BAHCC1: variants seen among roughly 807,000 people sequenced by gnomAD.
BAHCC1 encodes BAH domain and coiled-coil containing 1.
BAHCC1 carries 43 observed loss-of-function variants against 88.2 expected under a neutral mutation model. The ratio of observed to expected loss-of-function variants is 0.49; its 90% CI spans 0.38 to 0.63. The LOEUF (loss-of-function observed/expected upper bound fraction) is 0.63, where lower values mean the gene tolerates loss of function less well. Ranked by LOEUF, BAHCC1 falls within the 20% of genes least tolerant of loss-of-function variation. The pLI is 0.00. For synonymous variants in BAHCC1, 1,510 were observed against 745.5 expected (o/e 2.03, Z -16.71); for missense variants, 3,023 against 1,654.8 (o/e 1.83, Z -14.34).
rs781789451 is a variant in BAHCC1, at chr17:81,452,102, C to T, written c.4311C>T (p.Asp1437=). 2 of 632,332 alleles carry T rather than the reference C, an allele frequency of 3.2e-6. No individual in the cohort carries two copies. Among genetic ancestry groups the T allele is most frequent in the South Asian group, 1.9e-5 (1 of 53,582 alleles). 39.2% of individuals were successfully genotyped at this position (632,332 alleles called of 1,614,324 possible). ...RELARLQRKH[D]HERDESSRSP... ...TGGCCCGCCTGCAGCGCAAGCACGA[C>T]CATGAGTACGCCTGGCGTGGCGGGG... Residue 1437 remains aspartate (D), a synonymous_variant, in exon 13 of 28, where the codon GAC becomes GAT. Transcript: ENST00000675386.
At chr17:81,454,494 G>A (rs2064706900) in intron 14 of BAHCC1, among the ~76,000 whole-genome samples, 1 of 152,130 alleles carries the variant, frequency 6.6e-6, no homozygotes, top group Non-Finnish European at 1.5e-5. Flanking sequence ...CCGGCAACGG[G>A]GTCCCTGGGG....
intron 11 of BAHCC1, 41 bp from the exon 12 acceptor site, chr17:81,451,627 G>A (rs782821012): frequency 6.9e-5 from 52 of 752,112 alleles, no homozygotes; most frequent in Non-Finnish European, 1.1e-4. Flanking sequence ...GGGGCAGTGT[G>A]TGCCCAGTTA....
rs143752679 is a variant in BAHCC1 at position 81,451,230 on chromosome 17, G to A, written c.3977-438G>A. The A allele has an allele frequency of 1.4e-4, 24 of 169,674 alleles. No individual in the cohort carries two copies. The East Asian group carries it at 3.7e-3, about 26-fold the overall frequency. The allele number at this position is 169,674 out of a possible 1,614,324, so 10.5% of individuals were successfully genotyped here. On this transcript the variant is annotated intron_variant, in intron 11 of 27. Coordinates refer to ENST00000675386, the MANE Select transcript of BAHCC1 (RefSeq NM_001377448.1). ...ACTCGGTTGAACTTCAGCAGCTTCCGTGCACGAGGCCTCAGTGGGCTCTCG... is the reference window on the plus strand; with the variant it reads ...ACTCGGTTGAACTTCAGCAGCTTCCATGCACGAGGCCTCAGTGGGCTCTCG...
At chr17:81,398,920 AAAGG>A (rs1555645346) in intron 1 of BAHCC1, among the ~76,000 whole-genome samples, 1 of 151,064 alleles carries the variant, frequency 6.6e-6, no homozygotes, top group East Asian at 1.9e-4. Flanking sequence ...AGTGGGGAGA[AAAGG>A]AAGGTTATTA....
At chr17:81,401,977 T>G (rs1180102759) in intron 2 of BAHCC1, 1 of 152,342 alleles carries the variant, frequency 6.6e-6, no homozygotes, top group Non-Finnish European at 1.5e-5. Context: ...TCATTCTAAG[T>G]TTGGCCACGT....
In BAHCC1 at chr17:81,419,266, C is replaced by T. The variant is rs1038446950; in HGVS notation, c.179-7534C>T. Reference sequence around the variant, plus strand: ...GCAGAGCCTGGTCTCCCCACCCCGTCCCTCATTCCTCTTTCTGGGCAGCCA... The same window carrying T: ...GCAGAGCCTGGTCTCCCCACCCCGTTCCTCATTCCTCTTTCTGGGCAGCCA... On this transcript the variant is annotated intron_variant, in intron 2 of 27. Transcript: ENST00000675386. Among the ~76,000 whole-genome samples, 7 of 152,334 alleles carry T rather than the reference C, an allele frequency of 4.6e-5. No individual in the cohort carries two copies. The South Asian group carries it at 1.4e-3, about 32-fold the overall frequency.
chr17:81,409,724 G>C (rs1416824510), intron 2 of BAHCC1, among the ~76,000 whole-genome samples: 5 of 152,192 alleles, frequency 3.3e-5, no homozygotes, highest in Non-Finnish European at 7.4e-5. Context: ...AGAAGGCCGG[G>C]TGTGAATCAG....
At chr17:81,440,714 G>A (rs747033406) in intron 4 of BAHCC1, among the ~76,000 whole-genome samples, 32 of 152,270 alleles carry the variant, frequency 2.1e-4, no homozygotes, top group Non-Finnish European at 3.8e-4. Flanking sequence ...GGCCCAGACC[G>A]AGGGCCCAGG....
chr17:81,447,380 G>A lies in BAHCC1; in HGVS notation c.3508G>A (p.Ala1170Thr). 1 of 736,768 alleles carries A rather than the reference G, an allele frequency of 1.4e-6. No homozygotes were observed. The highest frequency in any genetic ancestry group is 1.4e-5 in the South Asian group (1 of 69,034). 45.6% of individuals were successfully genotyped at this position (736,768 alleles called of 1,614,324 possible). ...AALLEAGGPE[A>T]TGQAHSTQGG... The stretch of plus-strand genomic sequence containing the variant: ...CCTCCTGGAGGCAGGGGGCCCCGAG[G>A]CCACCGGCCAGGCTCATTCTACTCA... The change falls in exon 11 of 28, where the codon GCC becomes ACC. Residue 1170 changes from alanine (A) to threonine (T), a missense_variant. Coordinates refer to ENST00000675386, the MANE Select transcript of BAHCC1 (RefSeq NM_001377448.1).
intron 23 of BAHCC1, 144 bp downstream of exon 23, chr17:81,459,748 C>T (rs782578694): frequency 3.3e-6 from 2 of 611,792 alleles, no homozygotes; most frequent in Admixed American, 2.8e-5. Context: ...AAATGAGCTC[C>T]CCAGGCGCCA....
intron 1 of BAHCC1, chr17:81,395,865 TATCG>T (rs1323367755): frequency 7.2e-5 from 11 of 152,226 alleles, no homozygotes; most frequent in African/African-American, 1.9e-4. Flanking sequence ...TGAAAAATCT[TATCG>T]ATCGGTTTAA....
In BAHCC1 at chr17:81,444,760, G is replaced by C. The variant is rs782426673; in HGVS notation, c.2605G>C (p.Asp869His). Reference sequence around the variant, plus strand: ...GCCCTCTGTCTTCCCCCTCCCACAGGACGCCCCCACACAGCTGGTCATCCT... The same window carrying C: ...GCCCTCTGTCTTCCCCCTCCCACAGCACGCCCCCACACAGCTGGTCATCCT... The part of the protein sequence containing the change: ...PVPSVFPLPQ[D>H]APTQLVILPS... Residue 869 changes from aspartate (D) to histidine (H), a missense_variant, in exon 8 of 28, where the codon GAC becomes CAC. By Grantham distance (81) the Asp-to-His change is moderately conservative (BLOSUM62 -1). Transcript: ENST00000675386. 1 of 778,568 alleles carries C rather than the reference G, an allele frequency of 1.3e-6. No individual in the cohort carries two copies. Among genetic ancestry groups the C allele is most frequent in the African/African-American group, 1.7e-5 (1 of 59,186 alleles). 48.2% of individuals were successfully genotyped at this position (778,568 alleles called of 1,614,324 possible). A position where few individuals can be genotyped will look rare whatever the true frequency, so the allele number is the denominator to read the frequency against.
intron 2 of BAHCC1, among the ~76,000 whole-genome samples, chr17:81,425,153 TGGTG>T (rs1211192155): frequency 1.5e-5 from 1 of 68,090 alleles, no homozygotes; most frequent in Non-Finnish European, 2.7e-5. Flanking sequence ...TTGGGGGTGA[TGGTG>T]GGTGTTGTGG....
At position 81,461,279 on chromosome 17, in the gene BAHCC1, T is replaced by C; in HGVS notation, c.6616T>C (p.Phe2206Leu). Residue 2206 changes from phenylalanine (F) to leucine (L), a missense_variant, in exon 26 of 28, where the codon TTC becomes CTC. Physicochemically the swap from Phe to Leu is conservative, Grantham distance 22 (BLOSUM62 0). Transcript: ENST00000675386. ...TGGGCGGCGGCGGGCGGGCGGTGAG[T>C]TCCTGGTCAAGCTGGACCACGAGGG... The part of the protein sequence containing the change: ...KGGRRRAGGE[F>L]LVKLDHEGVT... 1 of 705,034 alleles carries C rather than the reference T, an allele frequency of 1.4e-6. No individual in the cohort carries two copies. 43.7% of individuals were successfully genotyped at this position (705,034 alleles called of 1,614,324 possible). A position where few individuals can be genotyped will look rare whatever the true frequency, so the allele number is the denominator to read the frequency against.
In BAHCC1 at chr17:81,399,326, G is replaced by T; in HGVS notation, c.-206-208G>T. The stretch of plus-strand genomic sequence containing the variant: ...GGGCCAAGCGTGGCCGGGACGGTGC[G>T]TGCGCGCGCGGGGCCCCGGGTGCTG... On this transcript the variant is annotated intron_variant, in intron 1 of 27. Transcript: ENST00000675386. The surrounding 1 kb of genome is among the most constrained non-coding windows in gnomAD (Gnocchi z 4.5). 1 of 200,228 alleles carries T rather than the reference G, an allele frequency of 5.0e-6. No individual in the cohort carries two copies. Among genetic ancestry groups the T allele is most frequent in the Non-Finnish European group, 1.1e-5 (1 of 93,714 alleles). 12.4% of individuals were successfully genotyped at this position (200,228 alleles called of 1,614,324 possible).
Position 81,445,624 on chromosome 17 carries a change from G to A in BAHCC1, c.3106G>A (p.Glu1036Lys), listed in dbSNP as rs782032388. The A allele has an allele frequency of 6.3e-5, 46 of 733,360 alleles. No homozygotes were observed. Among genetic ancestry groups the A allele is most frequent in the Non-Finnish European group, 9.9e-5 (39 of 394,940 alleles). 45.4% of individuals were successfully genotyped at this position (733,360 alleles called of 1,614,324 possible). A position where few individuals can be genotyped will look rare whatever the true frequency, so the allele number is the denominator to read the frequency against. ...PGPGSRVRSA[E>K]EKNGEGQQST... ...GCCTGGCTCCCGGGTGCGCAGCGCCGAGGAAAAGAATGGGGAGGGTCAGCA... is the reference window on the plus strand; with the variant it reads ...GCCTGGCTCCCGGGTGCGCAGCGCCAAGGAAAAGAATGGGGAGGGTCAGCA... Residue 1036 changes from glutamate to lysine, a missense_variant, in exon 10 of 28, where the codon GAG (glutamate) becomes AAG (lysine). Transcript: ENST00000675386.
Position 81,461,477 on chromosome 17 carries a change from C to T in BAHCC1, c.6814C>T (p.Arg2272Cys), listed in dbSNP as rs1297551379. ...CCCGCTGCCCATGGGGCTGGCGCTG[C>T]GCAAGTACGCGGGCCAGGCAGAGTT... ...IPPLPMGLAL[R>C]KYAGQAEFPL... The change falls in exon 26 of 28, where the codon CGC (arginine) becomes TGC (cysteine). Residue 2272 changes from arginine to cysteine, a missense_variant. Arg to Cys is a radical substitution (Grantham distance 180, BLOSUM62 -3). Coordinates refer to ENST00000675386, the MANE Select transcript of BAHCC1 (RefSeq NM_001377448.1). 4 of 743,720 alleles carry T rather than the reference C, an allele frequency of 5.4e-6. No homozygotes were observed. The highest frequency in any genetic ancestry group is 3.7e-5 in the Admixed American group (2 of 54,500). The allele number at this position is 743,720 out of a possible 1,614,324, so 46.1% of individuals were successfully genotyped here.
intron 3 of BAHCC1, among the ~76,000 whole-genome samples, chr17:81,436,552 A>AC (rs1281829069): frequency 1.3e-5 from 2 of 149,884 alleles, no homozygotes; most frequent in African/African-American, 4.9e-5. Context: ...GTTTAACAGT[A>AC]CCCCCCAAGG....
At position 81,399,147 on chromosome 17, in the gene BAHCC1, G is replaced by GTGTA; in HGVS notation, c.-206-384_-206-383insATGT. Reference sequence around the variant, plus strand: ...CGTGTGAGTGTGTGTGTGTGTGTGTGTGTGTGCGAGTGTGCGTGATGGCTT... The same window carrying GTGTA: ...CGTGTGAGTGTGTGTGTGTGTGTGTGTGTATGTGTGCGAGTGTGCGTGATGGCTT... On this transcript the variant is annotated intron_variant, in intron 1 of 27. Transcript: ENST00000675386. This position sits in a 1 kb window ranked among gnomAD's most constrained non-coding sequence, Gnocchi z 4.5. The GTGTA allele has an allele frequency of 2.6e-6, 1 of 381,670 alleles. No individual in the cohort carries two copies. Among genetic ancestry groups the GTGTA allele is most frequent in the East Asian group, 1.2e-4 (1 of 8,032 alleles). The allele number at this position is 381,670 out of a possible 1,614,324, so 23.6% of individuals were successfully genotyped here. A position where few individuals can be genotyped will look rare whatever the true frequency, so the allele number is the denominator to read the frequency against.
Sources: gnomAD v4.1 joint callset for allele counts (sites outside exome capture counted in the v4.1 genomes callset) on GRCh38, gnomAD v4.1.1 for gene constraint, Gnocchi (gnomAD v3.1) non-coding constraint, MANE v1.5 for transcripts, NCBI Gene and HGNC (gene_info 2026-07-23, HGNC 2026-07-21) for gene names.